CTNNA3: variants seen among roughly 807,000 people sequenced by gnomAD.
The protein encoded by CTNNA3 is catenin alpha 3, also known as catenin alpha-3.
CTNNA3 carries 76 observed loss-of-function variants against 95.7 expected under a neutral mutation model. That is an observed-to-expected ratio of 0.79 (90% CI 0.66 to 0.96). The LOEUF is 0.96. Ranked by LOEUF, CTNNA3 falls within the 40% of genes least tolerant of loss-of-function variation. CTNNA3 has a pLI of 0.00. For missense variants in CTNNA3, 1,191 were observed against 1,089.8 expected, an observed-to-expected ratio of 1.09 and a Z score of -1.31; for synonymous variants, 431 against 374.4, an observed-to-expected ratio of 1.15 and a Z score of -1.74.
intron 12 of CTNNA3, among the ~76,000 whole-genome samples, chr10:66,301,320 T>C (rs2091860259): frequency 6.6e-6 from 1 of 151,980 alleles, no homozygotes; most frequent in Non-Finnish European, 1.5e-5. Context: ...TCCAACTCAT[T>C]CTATGAGGCC....
chr10:67,365,643 C>T (rs1461891236), intron 5 of CTNNA3, among the ~76,000 whole-genome samples: 1 of 152,174 alleles, frequency 6.6e-6, no homozygotes, highest in Non-Finnish European at 1.5e-5. Context: ...CATCACTGGT[C>T]ATCAGAGAAA....
At chr10:67,313,431 CAA>C (rs547368376) in intron 5 of CTNNA3, among the ~76,000 whole-genome samples, 3 of 146,702 alleles carry the variant, frequency 2.0e-5, no homozygotes, top group Admixed American at 1.3e-4. Context: ...GAATCCGTCT[CAA>C]AAAAAAAAAA....
At chr10:67,467,702 T>A (rs1187311118) in intron 5 of CTNNA3, among the ~76,000 whole-genome samples, 1 of 151,526 alleles carries the variant, frequency 6.6e-6, no homozygotes, top group East Asian at 1.9e-4. Context: ...CTTTATTTTA[T>A]TTTATTTATT....
chr10:67,459,420 T>C (rs978130352), intron 5 of CTNNA3, among the ~76,000 whole-genome samples: 1 of 152,234 alleles, frequency 6.6e-6, no homozygotes, highest in Admixed American at 6.5e-5. Context: ...ACCATTAGTA[T>C]GTTTTGCAGG....
chr10:67,116,280 T>C (rs11593235), intron 7 of CTNNA3, among the ~76,000 whole-genome samples: 54,913 of 151,956 alleles, frequency 0.36, 10,323 homozygotes, highest in Middle Eastern at 0.59. Context: ...GAGTGACTTA[T>C]TCAGATGATA....
chr10:66,776,750 C>T (rs1012528740), intron 7 of CTNNA3, among the ~76,000 whole-genome samples: 1 of 152,126 alleles, frequency 6.6e-6, no homozygotes, highest in Admixed American at 6.5e-5. Flanking sequence ...TCCAACAACC[C>T]TGCTCAAAAG....
chr10:67,528,347 T>C (rs1236393589), intron 4 of CTNNA3, among the ~76,000 whole-genome samples: 2 of 152,204 alleles, frequency 1.3e-5, no homozygotes, highest in African/African-American at 2.4e-5. Context: ...CTTTCATGGT[T>C]TCCCCTTAGC....
intron 17 of CTNNA3, among the ~76,000 whole-genome samples, chr10:65,956,008 C>G (rs1444534051): frequency 6.6e-6 from 1 of 152,106 alleles, no homozygotes; most frequent in Non-Finnish European, 1.5e-5. Context: ...GCTGTGAATC[C>G]TTCTGGTCCT....
intron 7 of CTNNA3, among the ~76,000 whole-genome samples, chr10:67,163,983 A>G (rs1368100372): frequency 6.6e-6 from 1 of 152,050 alleles, no homozygotes; most frequent in Non-Finnish European, 1.5e-5. Flanking sequence ...CAAAGATCTA[A>G]TTGAATGGAG....
chr10:66,203,368 C>T (rs1339371745), intron 13 of CTNNA3, among the ~76,000 whole-genome samples: 3 of 152,128 alleles, frequency 2.0e-5, no homozygotes. Flanking sequence ...TGCGGCTATG[C>T]TTCAAAGTAT....
At chr10:66,672,657 A>G (rs1328852976) in intron 9 of CTNNA3, among the ~76,000 whole-genome samples, 1 of 152,098 alleles carries the variant, frequency 6.6e-6, no homozygotes, top group Non-Finnish European at 1.5e-5. Flanking sequence ...ATGGTGGGAG[A>G]GGAGACGTAA....
intron 1 of CTNNA3, among the ~76,000 whole-genome samples, chr10:67,683,098 T>C (rs1009500347): frequency 1.3e-5 from 2 of 152,216 alleles, no homozygotes; most frequent in African/African-American, 4.8e-5. Context: ...ACAGTGTCTA[T>C]CACAGACTAT....
At chr10:67,192,172 C>G (rs916749914) in intron 6 of CTNNA3, among the ~76,000 whole-genome samples, 1 of 151,850 alleles carries the variant, frequency 6.6e-6, no homozygotes, top group Non-Finnish European at 1.5e-5. Flanking sequence ...ACATTGGTCT[C>G]AACAATGTCT....
intron 13 of CTNNA3, among the ~76,000 whole-genome samples, chr10:66,158,381 T>G (rs2084661573): frequency 6.6e-6 from 1 of 152,140 alleles, no homozygotes; most frequent in Admixed American, 6.6e-5. Context: ...GCTAGCCAAT[T>G]ATCCTAGTAC....
chr10:67,715,208 C>G (rs1841135610), intron 1 of CTNNA3, among the ~76,000 whole-genome samples: 1 of 152,170 alleles, frequency 6.6e-6, no homozygotes, highest in South Asian at 2.1e-4. Flanking sequence ...GATGTTGAAT[C>G]TCAGACATTT....
intron 1 of CTNNA3, among the ~76,000 whole-genome samples, chr10:67,724,194 C>T (rs557293229): frequency 2.6e-5 from 4 of 152,282 alleles, no homozygotes; most frequent in African/African-American, 9.6e-5. Context: ...TTCTCTCTGG[C>T]TCTTGCTTTT....
At chr10:67,341,903 T>C (rs1330084859) in intron 5 of CTNNA3, among the ~76,000 whole-genome samples, 3 of 152,010 alleles carry the variant, frequency 2.0e-5, no homozygotes, top group African/African-American at 7.2e-5. Context: ...TACGGTGAGA[T>C]GATGTATAAT....
chr10:65,978,833 T>A (rs2078261324), intron 16 of CTNNA3, among the ~76,000 whole-genome samples: 1 of 152,222 alleles, frequency 6.6e-6, no homozygotes, highest in South Asian at 2.1e-4. Flanking sequence ...CAATATATTT[T>A]AAGTATTTTT....
At chr10:67,385,836 CAAA>C (rs34264491) in intron 5 of CTNNA3, among the ~76,000 whole-genome samples, 1 of 83,582 alleles carries the variant, frequency 1.2e-5, no homozygotes. Context: ...TGAAGGATCT[CAAA>C]AAAAAAAAAA....
Sources: allele counts gnomAD v4.1 joint callset (sites outside exome capture counted in the v4.1 genomes callset), GRCh38; gene constraint gnomAD v4.1.1; transcripts MANE v1.5; gene names NCBI Gene and HGNC (gene_info 2026-07-23, HGNC 2026-07-21).